SORCS2: variants seen among roughly 807,000 people sequenced by gnomAD.
SORCS2 encodes VPS10 domain-containing receptor SorCS2.
In SORCS2, 100 loss-of-function variants were observed where a neutral mutation model predicts 141.6. The ratio of observed to expected loss-of-function variants is 0.71; its 90% confidence interval spans 0.60 to 0.83. The LOEUF (loss-of-function observed/expected upper bound fraction) is 0.83. Among genes scored for constraint, SORCS2 ranks in the 40% least tolerant of loss-of-function variants. The pLI is 0.00. For missense variants in SORCS2, 1,646 were observed against 1,560.2 expected (o/e 1.05, Z -0.93); for synonymous variants, 789 against 676.9 (o/e 1.17, Z -2.57).
At chr4:7,729,205 A>G (rs1727431287) in intron 22 of SORCS2, among the ~76,000 whole-genome samples, 1 of 152,022 alleles carries the variant, frequency 6.6e-6, no homozygotes, top group Non-Finnish European at 1.5e-5. Context: ...AGGCAGCTGG[A>G]GTCAGTGGGG....
chr4:7,419,346 AT>A (rs1725893875), intron 2 of SORCS2, among the ~76,000 whole-genome samples: 1 of 152,100 alleles, frequency 6.6e-6, no homozygotes, highest in African/African-American at 2.4e-5. Flanking sequence ...GAGGTCTCTC[AT>A]GGGGTCTGGC....
intron 3 of SORCS2, among the ~76,000 whole-genome samples, chr4:7,613,909 C>T (rs945211466): frequency 2.0e-5 from 3 of 152,036 alleles, no homozygotes; most frequent in African/African-American, 4.8e-5. Context: ...TCCACCTATC[C>T]ACTCATCAAA....
At chr4:7,467,081 A>C (rs1729661137) in intron 2 of SORCS2, among the ~76,000 whole-genome samples, 1 of 152,074 alleles carries the variant, frequency 6.6e-6, no homozygotes, top group African/African-American at 2.4e-5. Flanking sequence ...TTGTCTCAGC[A>C]TCTAAAACTC....
intron 1 of SORCS2, among the ~76,000 whole-genome samples, chr4:7,258,568 C>T (rs1714080110): frequency 6.6e-6 from 1 of 152,170 alleles, no homozygotes; most frequent in African/African-American, 2.4e-5. Context: ...TGGGCTGGTT[C>T]CAAGTCTTTG....
At chr4:7,679,147 A>G (rs968556482) in intron 9 of SORCS2, among the ~76,000 whole-genome samples, 1 of 152,136 alleles carries the variant, frequency 6.6e-6, no homozygotes, top group African/African-American at 2.4e-5. Flanking sequence ...TGTTTGGTAC[A>G]GACGGCAGAG....
At chr4:7,436,279 C>A (rs999703771) in intron 2 of SORCS2, among the ~76,000 whole-genome samples, 8 of 152,196 alleles carry the variant, frequency 5.3e-5, no homozygotes, top group African/African-American at 1.7e-4. Context: ...CTTGGCTCAG[C>A]CAAGCACGTG....
intron 4 of SORCS2, among the ~76,000 whole-genome samples, chr4:7,653,075 C>A (rs1721541775): frequency 2.0e-5 from 3 of 152,188 alleles, no homozygotes; most frequent in African/African-American, 7.2e-5. Flanking sequence ...CTGACCCTGG[C>A]ACTCACCAGG....
At chr4:7,391,117 C>T (rs893225806) in intron 1 of SORCS2, among the ~76,000 whole-genome samples, 1 of 152,192 alleles carries the variant, frequency 6.6e-6, no homozygotes, top group African/African-American at 2.4e-5. Context: ...GTGAGCCTGG[C>T]CACCCTGCAT....
chr4:7,422,913 G>T (rs909004261), intron 2 of SORCS2, among the ~76,000 whole-genome samples: 35 of 152,302 alleles, frequency 2.3e-4, no homozygotes, highest in Admixed American at 1.8e-3. Flanking sequence ...ACCCCGCGGG[G>T]ATCCGCAGAC....
intron 1 of SORCS2, among the ~76,000 whole-genome samples, chr4:7,316,580 G>A (rs959623780): frequency 1.3e-5 from 2 of 152,170 alleles, no homozygotes; most frequent in African/African-American, 2.4e-5. Flanking sequence ...TGACCTTCCC[G>A]TGCCTTTACA....
intron 3 of SORCS2, among the ~76,000 whole-genome samples, chr4:7,629,712 T>C (rs1319415327): frequency 1.3e-5 from 2 of 152,008 alleles, no homozygotes; most frequent in Non-Finnish European, 2.9e-5. Context: ...TCCAAATGCC[T>C]AGCCACCGTG....
chr4:7,448,382 C>T (rs1312909844), intron 2 of SORCS2, among the ~76,000 whole-genome samples: 2 of 151,750 alleles, frequency 1.3e-5, no homozygotes, highest in Non-Finnish European at 2.9e-5. Context: ...GTTTTGCCTG[C>T]CTGTCTTCCT....
chr4:7,534,790 C>A (rs1711971895), intron 3 of SORCS2, among the ~76,000 whole-genome samples: 2 of 152,246 alleles, frequency 1.3e-5, no homozygotes, highest in South Asian at 2.1e-4. Context: ...CCTGCCAACA[C>A]CTTGCCTTCA....
intron 2 of SORCS2, among the ~76,000 whole-genome samples, chr4:7,485,062 A>C (rs569501688): frequency 6.6e-6 from 1 of 152,324 alleles, no homozygotes; most frequent in South Asian, 2.1e-4. Flanking sequence ...TGAGTGAATG[A>C]ACAAGAGATG....
At chr4:7,479,462 C>T (rs982070097) in intron 2 of SORCS2, among the ~76,000 whole-genome samples, 1 of 152,230 alleles carries the variant, frequency 6.6e-6, no homozygotes, top group Non-Finnish European at 1.5e-5. Flanking sequence ...TCCCAGAAGA[C>T]AATCAAGGGC....
chr4:7,334,683 C>T (rs1044008472), intron 1 of SORCS2, among the ~76,000 whole-genome samples: 3 of 152,190 alleles, frequency 2.0e-5, no homozygotes, highest in African/African-American at 7.2e-5. Flanking sequence ...GACACGGTCA[C>T]TGCCTTCCTG....
At chr4:7,523,434 T>A (rs1733467755) in intron 2 of SORCS2, among the ~76,000 whole-genome samples, 1 of 152,150 alleles carries the variant, frequency 6.6e-6, no homozygotes. Flanking sequence ...GTGCCAGCTG[T>A]GTGCCTGGCC....
intron 1 of SORCS2, among the ~76,000 whole-genome samples, chr4:7,372,638 G>A (rs1722332400): frequency 6.6e-6 from 1 of 152,164 alleles, no homozygotes; most frequent in Non-Finnish European, 1.5e-5. Flanking sequence ...ATATTTCTCA[G>A]TAAGTTTCGA....
In SORCS2 at chr4:7,492,545, T is replaced by C. The variant is rs562304638; in HGVS notation, c.549-38985T>C. Among the ~76,000 whole-genome samples the C allele has an allele frequency of 7.9e-5, 12 of 152,366 alleles. No individual in the cohort carries two copies. The South Asian group carries it at 2.1e-3, about 26-fold the overall frequency. On this transcript the variant is annotated intron_variant, in intron 2 of 26. Transcript: ENST00000507866. The stretch of plus-strand genomic sequence containing the variant: ...GGACCTCTTCCACATTCTGATTTTA[T>C]TTCCTTTTGCTATGTACCCAGCAGT...
Sources: gnomAD v4.1 joint callset for allele counts (sites outside exome capture counted in the v4.1 genomes callset) on GRCh38, gnomAD v4.1.1 for gene constraint, MANE v1.5 for transcripts, NCBI Gene and HGNC (gene_info 2026-07-23, HGNC 2026-07-21) for gene names.